The following STIM1 variants were observed in gnomAD, a reference collection of about 807,000 sequenced individuals.
STIM1 encodes the protein stromal interaction molecule 1.
A neutral mutation model predicts 74.7 loss-of-function variants in STIM1; 25 were observed. The observed-to-expected ratio is 0.33, with a 90% CI of 0.24 to 0.47. The LOEUF (loss-of-function observed/expected upper bound fraction) is 0.47, where lower values mean the gene tolerates loss of function less well. Ranked by LOEUF, STIM1 falls within the 20% of genes least tolerant of loss-of-function variation. The pLI, the probability that STIM1 is intolerant of heterozygous loss-of-function variation, is 1.00. For synonymous variants in STIM1, 328 were observed against 348.8 expected, an observed-to-expected ratio of 0.94 and a Z score of 0.66; for missense variants, 728 against 920.8, an observed-to-expected ratio of 0.79 and a Z score of 2.71.
Position 4,018,388 on chromosome 11 carries a change from C to G in STIM1, c.271-5485C>G, listed in dbSNP as rs1483843323. On this transcript the variant is annotated intron_variant, in intron 2 of 12. Transcript: ENST00000526596. ...AATGGCGTGAACCCGGGAAGCGGAGCTTGCAGTGAGCCGAGATTGCGCCAC... is the reference window on the plus strand; with the variant it reads ...AATGGCGTGAACCCGGGAAGCGGAGGTTGCAGTGAGCCGAGATTGCGCCAC... Among the ~76,000 whole-genome samples the G allele has an allele frequency of 3.9e-4, 47 of 122,002 alleles. 1 individual carries two copies. Among genetic ancestry groups the G allele is most frequent in the South Asian group, 1.2e-3 (4 of 3,250 alleles). The allele number at this position is 122,002 out of a possible 152,430, so 80.0% of individuals were successfully genotyped here. A position where few individuals can be genotyped will look rare whatever the true frequency, so the allele number is the denominator to read the frequency against.
chr11:3,927,455 T>G (rs964012302), intron 1 of STIM1, among the ~76,000 whole-genome samples: 8 of 152,328 alleles, frequency 5.3e-5, no homozygotes, highest in Admixed American at 1.3e-4. Flanking sequence ...GTGGCTGAAG[T>G]GAATATTTAT....
intron 3 of STIM1, among the ~76,000 whole-genome samples, chr11:4,052,607 A>G (rs1288108861): frequency 6.6e-6 from 1 of 152,238 alleles, no homozygotes; most frequent in African/African-American, 2.4e-5. Context: ...TTAAAAACTT[A>G]CATGTTAGAC....
chr11:3,923,358 C>T (rs2092744426), intron 1 of STIM1, among the ~76,000 whole-genome samples: 1 of 152,058 alleles, frequency 6.6e-6, no homozygotes. Flanking sequence ...GCTGTAATCC[C>T]AGCACTATGG....
chr11:4,063,738 T>C (rs1194205727), intron 5 of STIM1, among the ~76,000 whole-genome samples: 1 of 152,210 alleles, frequency 6.6e-6, no homozygotes, highest in Non-Finnish European at 1.5e-5. Context: ...GAACCCTGTA[T>C]TGGCAGGTGA....
rs565151545 is a variant in STIM1, at chr11:3,860,641, C to T, written c.139+4232C>T. On this transcript the variant is annotated intron_variant, in intron 1 of 12. Coordinates refer to ENST00000526596, the MANE Select transcript of STIM1 (RefSeq NM_001382567.1). ...AAGCGGCTGCCTAATTCAAAGGTTA[C>T]GAGATAGAAACATCAGTTAGTTCAT... 3.3e-5 allele frequency among the ~76,000 whole-genome samples: 5 copies of T among 152,164 alleles called. No individual in the cohort carries two copies. The East Asian group carries it at 7.7e-4, about 23-fold the overall frequency.
chr11:4,006,114 C>T (rs573446906), intron 2 of STIM1, among the ~76,000 whole-genome samples: 31 of 152,254 alleles, frequency 2.0e-4, no homozygotes, highest in Admixed American at 5.9e-4. Context: ...ATTGGATTAT[C>T]GGGGTGATGT....
chr11:3,865,112 G>A (rs1295994259), intron 1 of STIM1, among the ~76,000 whole-genome samples: 1 of 152,104 alleles, frequency 6.6e-6, no homozygotes, highest in Admixed American at 6.6e-5. Context: ...TTTGTAGATG[G>A]CATTGAATTG....
At chr11:4,046,417 C>T (rs1431434621) in intron 3 of STIM1, among the ~76,000 whole-genome samples, 2 of 152,174 alleles carry the variant, frequency 1.3e-5, no homozygotes, top group Non-Finnish European at 2.9e-5. Context: ...GTGTCTGCCT[C>T]ATTTCCTTCC....
intron 2 of STIM1, among the ~76,000 whole-genome samples, chr11:3,985,323 A>G (rs2093548378): frequency 6.6e-6 from 1 of 152,094 alleles, no homozygotes; most frequent in Non-Finnish European, 1.5e-5. Context: ...GTATATGTCT[A>G]TATGTGCCTT....
At chr11:3,901,087 A>T (rs2092336196) in intron 1 of STIM1, among the ~76,000 whole-genome samples, 1 of 152,160 alleles carries the variant, frequency 6.6e-6, no homozygotes, top group Admixed American at 6.5e-5. Context: ...TCTGCTCTGG[A>T]GGTTGAGGCA....
At chr11:4,055,499 C>G (rs1325176662) in intron 3 of STIM1, 27 bp from the exon 4 acceptor site, 3 of 1,542,090 alleles carry the variant, frequency 1.9e-6, no homozygotes, top group Middle Eastern at 2.3e-4. Context: ...ATTCTAGAGT[C>G]ATGGCTTTGC....
chr11:4,059,144 T>C, intron 4 of STIM1, 137 bp from the exon 5 acceptor site: 1 of 845,428 alleles, frequency 1.2e-6, no homozygotes, highest in Non-Finnish European at 1.9e-6. Flanking sequence ...CCAACTGGTA[T>C]AGACTCTGTG....
chr11:3,971,183 C>G (rs1211008703), intron 2 of STIM1, among the ~76,000 whole-genome samples: 1 of 150,468 alleles, frequency 6.6e-6, no homozygotes, highest in Non-Finnish European at 1.5e-5. Flanking sequence ...CAAGACCAGC[C>G]TAGTCAACAT....
At chr11:3,941,585 A>ATGTGTGTGTGTGTG (rs111336047) in intron 1 of STIM1, among the ~76,000 whole-genome samples, 31 of 139,656 alleles carry the variant, frequency 2.2e-4, no homozygotes, top group African/African-American at 7.5e-4. Flanking sequence ...AAGCATATAT[A>ATGTGTGTGTGTGTG]TGTGTGTGTG....
chr11:3,859,683 C>G (rs190630829), intron 1 of STIM1, among the ~76,000 whole-genome samples: 366 of 152,352 alleles, frequency 2.4e-3, no homozygotes, highest in Non-Finnish European at 3.5e-3. Context: ...CCTCCCTCCC[C>G]CAGCTAGTTG....
intron 3 of STIM1, among the ~76,000 whole-genome samples, chr11:4,027,073 T>C (rs2094003611): frequency 6.6e-6 from 1 of 152,190 alleles, no homozygotes; most frequent in Non-Finnish European, 1.5e-5. Flanking sequence ...CCTGAACTCA[T>C]GTGTGATCCA....
chr11:3,916,035 GC>G (rs57993985), intron 1 of STIM1, among the ~76,000 whole-genome samples: 152,266 of 152,266 alleles, frequency 1, 76,133 homozygotes, highest in Non-Finnish European at 1. Flanking sequence ...TCCAGCCTGG[GC>G]CCACAGGGTG....
intron 1 of STIM1, among the ~76,000 whole-genome samples, chr11:3,932,666 GAAAA>G (rs57059104): frequency 3.4e-5 from 3 of 86,968 alleles, no homozygotes; most frequent in South Asian, 3.7e-4. Flanking sequence ...TGTCTCAAAG[GAAAA>G]AAAAAAAAAA....
chr11:3,991,732 T>C (rs368042320), intron 2 of STIM1, among the ~76,000 whole-genome samples: 1 of 151,280 alleles, frequency 6.6e-6, no homozygotes, highest in Admixed American at 6.6e-5. Context: ...GTGGATCACC[T>C]GAGGTCGGGG....
Sources: gnomAD v4.1 joint callset for allele counts (sites outside exome capture counted in the v4.1 genomes callset) on GRCh38, gnomAD v4.1.1 for gene constraint, MANE v1.5 for transcripts, NCBI Gene and HGNC (gene_info 2026-07-23, HGNC 2026-07-21) for gene names.